The following FGF13 variants were observed in gnomAD, a reference collection of about 807,000 sequenced individuals.
The protein encoded by FGF13 is fibroblast growth factor 13.
FGF13 carries 2 observed loss-of-function variants against 19.5 expected under a neutral mutation model. The observed-to-expected ratio is 0.10, with a 90% CI of 0.04 to 0.32. FGF13 has a LOEUF of 0.32. Among genes scored for constraint, FGF13 ranks in the 10% least tolerant of loss-of-function variants. The pLI is 1.00. For synonymous variants in FGF13, 72 were observed against 76.9 expected, an observed-to-expected ratio of 0.94 and a Z score of 0.33; for missense variants, 113 against 192.7, an observed-to-expected ratio of 0.59 and a Z score of 2.45.
intron 3 of FGF13, among the ~76,000 whole-genome samples, chrX:138,809,532 G>C (rs991258086): frequency 9.0e-6 from 1 of 111,533 alleles, no homozygotes; most frequent in African/African-American, 3.3e-5. Flanking sequence ...TTGAAAACTG[G>C]CACAAGGCAG....
At chrX:139,079,254 T>G (rs2083353830) in intron 1 of FGF13, among the ~76,000 whole-genome samples, 1 of 111,041 alleles carries the variant, frequency 9.0e-6, no homozygotes, top group African/African-American at 3.3e-5. Context: ...AGAAGGCAAT[T>G]TGTCACGCCA....
chrX:138,797,841 A>T (rs932072423), intron 3 of FGF13, among the ~76,000 whole-genome samples: 1 of 111,787 alleles, frequency 8.9e-6, no homozygotes, highest in South Asian at 3.7e-4. Context: ...ATGGGAGTTC[A>T]TTCATGATTT....
chrX:138,948,655 C>T (rs186102699), intron 1 of FGF13, among the ~76,000 whole-genome samples: 1 of 111,859 alleles, frequency 8.9e-6, no homozygotes, highest in African/African-American at 3.2e-5. Context: ...TTGGATATTA[C>T]AATTCTGGAA....
At chrX:139,004,048 A>C (rs771033979) in intron 1 of FGF13, among the ~76,000 whole-genome samples, 308 of 112,538 alleles carry the variant, frequency 2.7e-3, no homozygotes, top group African/African-American at 9.4e-3. Flanking sequence ...CTTGGGTGGT[A>C]GATGGGACTG....
intron 3 of FGF13, among the ~76,000 whole-genome samples, chrX:138,790,674 C>T (rs1488115673): frequency 9.0e-6 from 1 of 111,479 alleles, no homozygotes. Context: ...TGCCTCTAAT[C>T]CTATGTTTGC....
At chrX:138,653,363 A>G (rs2089398199) in intron 3 of FGF13, among the ~76,000 whole-genome samples, 1 of 111,860 alleles carries the variant, frequency 8.9e-6, no homozygotes, top group Admixed American at 9.5e-5. Flanking sequence ...AGAGAAGGAA[A>G]TGATTTCAAA....
chrX:138,994,293 T>C (rs1228242974), intron 1 of FGF13, among the ~76,000 whole-genome samples: 1 of 110,740 alleles, frequency 9.0e-6, no homozygotes, highest in African/African-American at 3.3e-5. Context: ...CTCTTCCTCT[T>C]CTTATGAGGG....
At position 139,176,379 on chromosome X, in the gene FGF13, G is replaced by A. The variant is rs529622854; in HGVS notation, c.-113+27037C>T. Reference sequence around the variant, plus strand: ...TCCTGGATTCACTGATTTTTTGAAGGGTTTTTTTTTTTTTTTTGTCTCTAT... The same window carrying A: ...TCCTGGATTCACTGATTTTTTGAAGAGTTTTTTTTTTTTTTTTGTCTCTAT... On this transcript the variant is annotated intron_variant, in intron 1 of 2. Transcript: ENST00000421460. Among the ~76,000 whole-genome samples, 419 of 105,327 alleles carry A rather than the reference G, an allele frequency of 4.0e-3. 1 individual carries two copies. The highest frequency in any genetic ancestry group is 6.7e-3 in the Non-Finnish European group (344 of 51,522). The allele number at this position is 105,327 out of a possible 115,157, so 91.5% of individuals were successfully genotyped here.
intron 3 of FGF13, among the ~76,000 whole-genome samples, chrX:138,830,696 TG>T (rs2091065976): frequency 1.0e-5 from 1 of 99,850 alleles, no homozygotes; most frequent in Non-Finnish European, 2.0e-5. Context: ...TTTGTGTGTG[TG>T]TGTGTGTGTG....
chrX:138,811,953 T>A (rs1321993612), intron 3 of FGF13, among the ~76,000 whole-genome samples: 3 of 110,875 alleles, frequency 2.7e-5, no homozygotes, highest in Middle Eastern at 4.6e-3. Flanking sequence ...TCTTTTTTTT[T>A]TTTACAGTTC....
At chrX:138,746,812 C>T (rs761042285) in intron 3 of FGF13, among the ~76,000 whole-genome samples, 1 of 112,555 alleles carries the variant, frequency 8.9e-6, no homozygotes, top group East Asian at 2.8e-4. Context: ...GCCCAGCATA[C>T]AGTAAGCAGT....
intron 1 of FGF13, among the ~76,000 whole-genome samples, chrX:139,002,474 C>A (rs1237292186): frequency 9.0e-5 from 10 of 111,076 alleles, no homozygotes; most frequent in Non-Finnish European, 3.8e-5. Flanking sequence ...CAAGGCAAGT[C>A]CTAGTGCTAA....
chrX:138,740,549 C>T (rs2090312142), upstream of FGF13, among the ~76,000 whole-genome samples: 1 of 111,784 alleles, frequency 8.9e-6, no homozygotes, highest in Admixed American at 9.5e-5. Context: ...AACAAAATTG[C>T]TTTAGCTCTG....
chrX:139,028,687 CAGTG>C (rs199946621), intron 1 of FGF13, among the ~76,000 whole-genome samples: 2,628 of 16,694 alleles, frequency 0.16, 127 homozygotes, highest in African/African-American at 0.31. Flanking sequence ...GTGTGAAAGA[CAGTG>C]TGTGTGTGTG....
chrX:138,926,060 A>G (rs1029491193), intron 1 of FGF13, among the ~76,000 whole-genome samples: 5 of 111,437 alleles, frequency 4.5e-5, no homozygotes, highest in Non-Finnish European at 7.5e-5. Flanking sequence ...AAGTCTCCCC[A>G]TGATTTTCTC....
At chrX:139,053,811 G>C (rs770543327) in intron 1 of FGF13, among the ~76,000 whole-genome samples, 4 of 111,578 alleles carry the variant, frequency 3.6e-5, no homozygotes, top group Non-Finnish European at 3.8e-5. Flanking sequence ...TTGGGTTCTT[G>C]GTCATGAAAT....
intron 3 of FGF13, among the ~76,000 whole-genome samples, chrX:138,669,125 C>G (rs761526537): frequency 1.8e-5 from 2 of 110,292 alleles, no homozygotes; most frequent in African/African-American, 3.3e-5. Flanking sequence ...GATGAGAAGT[C>G]TTGAAATGAT....
At chrX:139,144,543 C>T (rs1257373498) in intron 1 of FGF13, among the ~76,000 whole-genome samples, 1 of 111,628 alleles carries the variant, frequency 9.0e-6, no homozygotes, top group Admixed American at 9.5e-5. Context: ...CAATGGTCTC[C>T]TTCCTGGTCT....
Position 138,745,383 on chromosome X carries a change from CCTCT to C in FGF13, c.218-36459_218-36456del, listed in dbSNP as rs375156101. On this transcript the variant is annotated intron_variant, in intron 3 of 6. Transcript: ENST00000436198. ...AAAAAGTTACTTGGTTTGTGCAGTT[CCTCT>C]CTCTCTCTGAGGAAGAATAAGAGAA... Among the ~76,000 whole-genome samples, 401 of 111,152 alleles carry C rather than the reference CCTCT, an allele frequency of 3.6e-3. 2 individuals carry two copies. The highest frequency in any genetic ancestry group is 0.014 in the Middle Eastern group (3 of 214).
Sources: allele counts gnomAD v4.1 joint callset (sites outside exome capture counted in the v4.1 genomes callset), GRCh38; gene constraint gnomAD v4.1.1; transcripts MANE v1.5; gene names NCBI Gene and HGNC (gene_info 2026-07-23, HGNC 2026-07-21).